SENP6: variants seen among roughly 807,000 people sequenced by gnomAD.
SENP6 encodes the protein sentrin-specific protease 6.
SENP6 carries 41 observed loss-of-function variants against 134.5 expected under a neutral mutation model. That is an observed-to-expected ratio of 0.30 (90% CI 0.24 to 0.40). The LOEUF is 0.40. Ranked by LOEUF, SENP6 falls within the 10% of genes least tolerant of loss-of-function variation. The probability of loss-of-function intolerance (pLI) is 1.00; values close to 1 mark genes in which losing one functional copy is unlikely to be tolerated. For synonymous variants in SENP6, 395 were observed against 429.8 expected (o/e 0.92, Z 1.00); for missense variants, 1,248 against 1,312.5 (o/e 0.95, Z 0.76).
chr6:75,604,941 C>G lies in SENP6; in HGVS notation c.52+2365C>G, dbSNP rs139701794. On this transcript the variant is annotated intron_variant, in intron 1 of 23. Coordinates refer to ENST00000447266, the MANE Select transcript of SENP6 (RefSeq NM_015571.4). The stretch of plus-strand genomic sequence containing the variant: ...TACAGAAATTAGTCTGGCGTGGTGG[C>G]GCGCGCCTGTAATCCCAACTACTCG... Among the ~76,000 whole-genome samples the G allele has an allele frequency of 5.9e-5, 9 of 152,114 alleles. No homozygotes were observed. The South Asian group carries it at 1.9e-3, about 32-fold the overall frequency.
At chr6:75,674,170 T>TAAAA (rs144157747) in intron 11 of SENP6, among the ~76,000 whole-genome samples, 2,652 of 109,596 alleles carry the variant, frequency 0.024, 100 homozygotes, top group East Asian at 0.14. Flanking sequence ...TTTTTTTTTT[T>TAAAA]AAAAACGATA....
Position 75,705,924 on chromosome 6 carries a change from C to CTTTTTTTTTTTTTTTTTTTTTTTTTTTTT in SENP6, c.2716+2852_2716+2853insTTTTTTTTTTTTTTTTTTTTTTTTTTTTT, listed in dbSNP as rs1562073188. 3.1e-3 allele frequency among the ~76,000 whole-genome samples: 277 copies of CTTTTTTTTTTTTTTTTTTTTTTTTTTTTT among 89,280 alleles called. 96 individuals carry two copies. The highest frequency in any genetic ancestry group is 4.8e-3 in the Non-Finnish European group (222 of 46,104). 58.6% of individuals were successfully genotyped at this position (89,280 alleles called of 152,430 possible). A position where few individuals can be genotyped will look rare whatever the true frequency, so the allele number is the denominator to read the frequency against. On this transcript the variant is annotated intron_variant, in intron 19 of 23. Coordinates refer to ENST00000447266, the MANE Select transcript of SENP6 (RefSeq NM_015571.4). Reference sequence around the variant, plus strand: ...AGTGAGTTAGAAAGCTATTTTTGAGCCTTTTTTTTTTTTTTTTTTTTTTTT... The same window carrying CTTTTTTTTTTTTTTTTTTTTTTTTTTTTT: ...AGTGAGTTAGAAAGCTATTTTTGAGCTTTTTTTTTTTTTTTTTTTTTTTTTTTTTCTTTTTTTTTTTTTTTTTTTTTTTT...
chr6:75,633,231 G>A (rs1375414912), intron 3 of SENP6, among the ~76,000 whole-genome samples: 3 of 152,180 alleles, frequency 2.0e-5, no homozygotes, highest in Admixed American at 6.6e-5. Context: ...ATATTTGGCT[G>A]TAGTGTTCTC....
chr6:75,648,552 A>G (rs1044060493), intron 7 of SENP6, among the ~76,000 whole-genome samples: 1 of 152,136 alleles, frequency 6.6e-6, no homozygotes, highest in African/African-American at 2.4e-5. Flanking sequence ...TCTTTTGTGC[A>G]TGTATTGAAC....
intron 3 of SENP6, among the ~76,000 whole-genome samples, chr6:75,631,636 GGAAAACA>G (rs537838017): frequency 2.2e-4 from 34 of 152,196 alleles, no homozygotes; most frequent in African/African-American, 7.9e-4. Flanking sequence ...AAGTTTTCTT[GGAAAACA>G]GCCATGCTTA....
intron 3 of SENP6, among the ~76,000 whole-genome samples, chr6:75,629,154 T>G (rs9294001): frequency 0.31 from 47,649 of 152,192 alleles, 8,791 homozygotes; most frequent in Admixed American, 0.48. Flanking sequence ...CTAAAAAAGC[T>G]TTACCAAGAT....
chr6:75,696,644 T>A (rs547412997), intron 17 of SENP6, among the ~76,000 whole-genome samples: 13 of 152,258 alleles, frequency 8.5e-5, no homozygotes, highest in African/African-American at 2.4e-4. Flanking sequence ...ACCCAGCTAA[T>A]TTTTGTATTT....
chr6:75,678,161 C>G (rs971859917), intron 14 of SENP6: 1 of 156,256 alleles, frequency 6.4e-6, no homozygotes, highest in Non-Finnish European at 1.4e-5. Flanking sequence ...ACCCCTGTTT[C>G]ACTTAGCTTT....
intron 7 of SENP6, among the ~76,000 whole-genome samples, chr6:75,653,998 A>T (rs1771117117): frequency 6.6e-6 from 1 of 152,142 alleles, no homozygotes; most frequent in Admixed American, 6.5e-5. Flanking sequence ...CCAGGGTGGG[A>T]GGATCACTTG....
chr6:75,703,255 A>G (rs1487410619), intron 19 of SENP6, among the ~76,000 whole-genome samples, 183 bp downstream of exon 19: 1 of 152,184 alleles, frequency 6.6e-6, no homozygotes, highest in Non-Finnish European at 1.5e-5. Flanking sequence ...CAGGAGTTTG[A>G]GACCAGCGTG....
intron 1 of SENP6, among the ~76,000 whole-genome samples, chr6:75,614,916 C>G (rs1193775979): frequency 6.6e-6 from 1 of 152,124 alleles, no homozygotes; most frequent in Non-Finnish European, 1.5e-5. Flanking sequence ...CAGAGTCTCA[C>G]ACACTTTTTT....
At chr6:75,640,270 T>A (rs1769922975) in intron 5 of SENP6, among the ~76,000 whole-genome samples, 1 of 152,196 alleles carries the variant, frequency 6.6e-6, no homozygotes, top group South Asian at 2.1e-4. Flanking sequence ...GAAAGTGTGG[T>A]TGACACCCAT....
Position 75,602,974 on chromosome 6 carries a change from A to C in SENP6, c.52+398A>C, listed in dbSNP as rs186140130. On this transcript the variant is annotated intron_variant, in intron 1 of 23. Coordinates refer to ENST00000447266, the MANE Select transcript of SENP6 (RefSeq NM_015571.4). ...TAAGGTTGGGTGCAACTGGGGACCA[A>C]TCTAAGTAGGGAGGGGACAGACAGT... Among the ~76,000 whole-genome samples the C allele has an allele frequency of 1.6e-3, 239 of 152,314 alleles. 1 individual carries two copies. The highest frequency in any genetic ancestry group is 5.6e-3 in the African/African-American group (232 of 41,576).
chr6:75,627,852 A>G (rs889765575), intron 3 of SENP6, among the ~76,000 whole-genome samples: 5 of 151,562 alleles, frequency 3.3e-5, no homozygotes, highest in African/African-American at 9.7e-5. Flanking sequence ...AATTTTTTAT[A>G]TTTTTAGTAA....
At chr6:75,711,763 C>T (rs1775759898) in intron 21 of SENP6, among the ~76,000 whole-genome samples, 1 of 152,202 alleles carries the variant, frequency 6.6e-6, no homozygotes, top group South Asian at 2.1e-4. Flanking sequence ...ACCTCCACCT[C>T]CCAGGTTCAA....
At chr6:75,682,038 G>A (rs1562044671) in intron 16 of SENP6, among the ~76,000 whole-genome samples, 1 of 151,990 alleles carries the variant, frequency 6.6e-6, no homozygotes, top group African/African-American at 2.4e-5. Flanking sequence ...TATTAAATAG[G>A]TTGAAAGAAA....
chr6:75,670,482 C>A, intron 10 of SENP6, 71 bp from the exon 11 acceptor site: 9 of 1,049,536 alleles, frequency 8.6e-6, no homozygotes, highest in Admixed American at 2.2e-5. Flanking sequence ...TGGGTCTTTG[C>A]ATATGTTTAT....
intron 6 of SENP6, among the ~76,000 whole-genome samples, chr6:75,642,667 C>T (rs954846561): frequency 4.6e-5 from 7 of 152,076 alleles, no homozygotes; most frequent in Admixed American, 2.6e-4. Flanking sequence ...TATATTAGTG[C>T]GATAGAAGCT....
At chr6:75,623,767 A>G in intron 2 of SENP6, 133 bp from the exon 3 acceptor site, 1 of 637,744 alleles carries the variant, frequency 1.6e-6, no homozygotes, top group Non-Finnish European at 2.7e-6. Flanking sequence ...GCCTGCAAAG[A>G]CTGTGGTTTG....
Sources: allele counts gnomAD v4.1 joint callset (sites outside exome capture counted in the v4.1 genomes callset), GRCh38; gene constraint gnomAD v4.1.1; transcripts MANE v1.5; gene names NCBI Gene and HGNC (gene_info 2026-07-23, HGNC 2026-07-21).